The following SPAG16 variants were observed in gnomAD, a reference collection of about 807,000 sequenced individuals.
SPAG16 encodes sperm-associated antigen 16 protein.
Under a neutral mutation model 80.4 loss-of-function variants are expected in SPAG16, and 86 were observed. The observed-to-expected ratio is 1.07, with a 90% confidence interval of 0.90 to 1.28. SPAG16 has a LOEUF of 1.28. SPAG16 is among the 50% of genes most tolerant of loss of function. SPAG16 has a pLI of 0.00. For missense variants in SPAG16, 870 were observed against 765.3 expected (o/e 1.14, Z -1.61); for synonymous variants, 294 against 265.9 (o/e 1.11, Z -1.03).
At chr2:213,692,304 C>T (rs1456435088) in intron 10 of SPAG16, among the ~76,000 whole-genome samples, 1 of 152,000 alleles carries the variant, frequency 6.6e-6, no homozygotes, top group Non-Finnish European at 1.5e-5. Flanking sequence ...TAAGTGATTA[C>T]AGGGTTAACA....
intron 15 of SPAG16, among the ~76,000 whole-genome samples, chr2:214,346,782 C>A (rs761105113): frequency 6.6e-6 from 1 of 152,150 alleles, no homozygotes; most frequent in African/African-American, 2.4e-5. Flanking sequence ...CCATTCCCAA[C>A]AAAGCATCAG....
Position 213,340,200 on chromosome 2 carries a change from C to G in SPAG16, c.574C>G (p.Arg192Gly). 6.2e-7 allele frequency: 1 copy of G among 1,611,240 alleles called. No individual in the cohort carries two copies. Among genetic ancestry groups the G allele is most frequent in the Non-Finnish European group, 8.5e-7 (1 of 1,178,864 alleles). ...AGATTTGCTGAAAATTCAGAAAGAA[C>G]GTGATTTTCATCGAATGCATCATAA... ...REDLLKIQKE[R>G]DFHRMHHKRI... Residue 192 changes from arginine (R) to glycine (G), a missense_variant, in exon 6 of 16, where the codon CGT becomes GGT. Transcript: ENST00000331683.
At chr2:213,525,256 G>T (rs1041023831) in intron 10 of SPAG16, among the ~76,000 whole-genome samples, 3 of 145,850 alleles carry the variant, frequency 2.1e-5, no homozygotes, top group African/African-American at 7.5e-5. Flanking sequence ...CTGTGGAACT[G>T]TAAATCAATT....
At chr2:214,206,941 C>A (rs534799115) in intron 15 of SPAG16, among the ~76,000 whole-genome samples, 3 of 152,094 alleles carry the variant, frequency 2.0e-5, no homozygotes, top group African/African-American at 7.2e-5. Context: ...AAAAATTAAT[C>A]TTAGAAAATG....
intron 14 of SPAG16, among the ~76,000 whole-genome samples, chr2:214,147,704 C>G (rs1051722201): frequency 6.6e-6 from 1 of 152,172 alleles, no homozygotes; most frequent in Non-Finnish European, 1.5e-5. Flanking sequence ...TCCAAGTTCT[C>G]CATGTTCCTT....
At chr2:214,187,662 A>C (rs182946960) in intron 15 of SPAG16, among the ~76,000 whole-genome samples, 15 of 143,486 alleles carry the variant, frequency 1.0e-4, no homozygotes, top group African/African-American at 3.4e-4. Flanking sequence ...GGAATTAGTC[A>C]TGTAAACAAT....
intron 10 of SPAG16, among the ~76,000 whole-genome samples, chr2:213,608,278 C>T (rs1240805144): frequency 1.3e-5 from 2 of 152,118 alleles, no homozygotes; most frequent in East Asian, 3.9e-4. Flanking sequence ...CACCCATTAA[C>T]TCGTCATTTA....
intron 13 of SPAG16, among the ~76,000 whole-genome samples, chr2:214,064,576 A>G (rs1196201911): frequency 2.6e-5 from 4 of 152,116 alleles, no homozygotes; most frequent in African/African-American, 9.6e-5. Flanking sequence ...GAGTGATTTT[A>G]TAAACTGTTC....
chr2:213,743,525 CA>C (rs2067680226), intron 10 of SPAG16, among the ~76,000 whole-genome samples: 1 of 152,054 alleles, frequency 6.6e-6, no homozygotes, highest in African/African-American at 2.4e-5. Flanking sequence ...TTTCAGCATA[CA>C]GGAATGCTTT....
intron 13 of SPAG16, among the ~76,000 whole-genome samples, chr2:214,033,591 A>T (rs1033095428): frequency 3.9e-5 from 6 of 152,132 alleles, no homozygotes; most frequent in African/African-American, 1.4e-4. Context: ...CCATCCATTC[A>T]CTCATTTAGA....
At chr2:213,830,155 G>C (rs2073547754) in intron 10 of SPAG16, among the ~76,000 whole-genome samples, 4 of 152,154 alleles carry the variant, frequency 2.6e-5, no homozygotes, top group Admixed American at 2.6e-4. Context: ...GCCCTCTGTA[G>C]CAAGGCTTGC....
At chr2:214,028,891 C>T (rs560176592) in intron 13 of SPAG16, among the ~76,000 whole-genome samples, 29 of 151,990 alleles carry the variant, frequency 1.9e-4, no homozygotes, top group African/African-American at 5.5e-4. Context: ...TCATTCAACA[C>T]GTAAGTACTG....
intron 15 of SPAG16, among the ~76,000 whole-genome samples, chr2:214,270,646 T>C (rs1279456186): frequency 6.6e-6 from 1 of 152,182 alleles, no homozygotes; most frequent in Non-Finnish European, 1.5e-5. Flanking sequence ...ATATCTCAAC[T>C]TTGCCATTTT....
rs1220732199 is a variant in SPAG16, at chr2:213,613,597, A to G, written c.1070+123507A>G. On this transcript the variant is annotated intron_variant, in intron 10 of 15. Coordinates refer to ENST00000331683, the MANE Select transcript of SPAG16 (RefSeq NM_024532.5). The stretch of plus-strand genomic sequence containing the variant: ...TTAGTTTCTTAGTGAGCTCTTTCCT[A>G]TCTAAATATTGTAAACATCTCTGAC... 4.6e-5 allele frequency among the ~76,000 whole-genome samples: 7 copies of G among 152,182 alleles called. No individual in the cohort carries two copies. In the East Asian group the frequency reaches 1.4e-3, roughly 29 times the overall value.
intron 13 of SPAG16, among the ~76,000 whole-genome samples, chr2:214,082,602 A>G (rs185786482): frequency 6.6e-6 from 1 of 152,256 alleles, no homozygotes; most frequent in Admixed American, 6.5e-5. Context: ...TCTTTTCATC[A>G]TTGCCAGATA....
chr2:213,311,372 G>A (rs943457168), intron 4 of SPAG16, among the ~76,000 whole-genome samples: 1 of 151,698 alleles, frequency 6.6e-6, no homozygotes, highest in African/African-American at 2.4e-5. Context: ...GTTCAACAAT[G>A]TGTGTTAGGA....
intron 14 of SPAG16, among the ~76,000 whole-genome samples, chr2:214,146,300 G>C (rs1440861216): frequency 2.0e-5 from 3 of 152,090 alleles, no homozygotes; most frequent in African/African-American, 7.2e-5. Context: ...ATTCTGTCTC[G>C]AGGAAGGAGA....
intron 13 of SPAG16, among the ~76,000 whole-genome samples, chr2:214,045,145 G>A (rs1313035401): frequency 6.6e-6 from 1 of 152,080 alleles, no homozygotes; most frequent in Non-Finnish European, 1.5e-5. Flanking sequence ...CCATCTACTT[G>A]AGGAGAGCAG....
At chr2:214,064,360 G>A (rs948589396) in intron 13 of SPAG16, among the ~76,000 whole-genome samples, 2 of 151,904 alleles carry the variant, frequency 1.3e-5, no homozygotes, top group African/African-American at 2.4e-5. Flanking sequence ...TTAAAAACTG[G>A]TAATGTCATA....
Sources: allele counts gnomAD v4.1 joint callset (sites outside exome capture counted in the v4.1 genomes callset), GRCh38; gene constraint gnomAD v4.1.1; transcripts MANE v1.5; gene names NCBI Gene and HGNC (gene_info 2026-07-23, HGNC 2026-07-21).